The following NADK variants were observed in gnomAD, a reference collection of about 807,000 sequenced individuals.
NADK encodes the protein poly(P)/ATP NAD kinase.
In NADK, 22 loss-of-function variants were observed where a neutral mutation model predicts 49.8. The ratio of observed to expected loss-of-function variants is 0.44; its 90% confidence interval spans 0.32 to 0.63. The LOEUF is 0.63. Among genes scored for constraint, NADK ranks in the 30% least tolerant of loss-of-function variants. The pLI, the probability that NADK is intolerant of heterozygous loss-of-function variation, is 0.06. For synonymous variants in NADK, 268 were observed against 253.7 expected, an observed-to-expected ratio of 1.06 and a Z score of -0.54; for missense variants, 438 against 609.4, an observed-to-expected ratio of 0.72 and a Z score of 2.96.
chr1:1,777,631 G>T (rs539688502), intron 1 of NADK, among the ~76,000 whole-genome samples: 33 of 151,850 alleles, frequency 2.2e-4, no homozygotes, highest in African/African-American at 8.0e-4. Flanking sequence ...GAGGGTGGGG[G>T]TGGTCCTTGG....
chr1:1,762,547 G>C (rs972299462), intron 2 of NADK, among the ~76,000 whole-genome samples: 1 of 152,196 alleles, frequency 6.6e-6, no homozygotes, highest in Non-Finnish European at 1.5e-5. Context: ...CGTGAGGTCA[G>C]GAGTTTGAGA....
intron 1 of NADK, among the ~76,000 whole-genome samples, chr1:1,766,062 G>T (rs990756565): frequency 6.6e-6 from 1 of 151,842 alleles, no homozygotes; most frequent in Non-Finnish European, 1.5e-5. Context: ...GAGGCCAGGG[G>T]TTCAAGACCA....
At chr1:1,758,707 C>G in intron 3 of NADK, 1 of 1,368,698 alleles carries the variant, frequency 7.3e-7, no homozygotes, top group Non-Finnish European at 9.5e-7. Flanking sequence ...TCATTGGTCA[C>G]ATGGTCCTCC....
chr1:1,776,971 A>G (rs1255999976), intron 1 of NADK, among the ~76,000 whole-genome samples: 2 of 152,168 alleles, frequency 1.3e-5, no homozygotes, highest in Admixed American at 6.6e-5. Context: ...CCAGCTACTC[A>G]GGAGGCTGAG....
rs373767547 is a variant in NADK, at chr1:1,754,658, C to G, written c.729G>C (p.Arg243Ser). 6.2e-6 allele frequency: 10 copies of G among 1,613,894 alleles called. No individual in the cohort carries two copies. In the African/African-American group the frequency reaches 1.2e-4, roughly 19 times the overall value. The change falls in exon 8 of 12, where the codon AGG becomes AGC. Residue 243 changes from arginine (R) to serine (S), a missense_variant. Transcript: ENST00000341426. The surrounding 1 kb of genome is among the most constrained non-coding windows in gnomAD (Gnocchi z 4.3). ...TCTTCCCCCGGAGCTCCTTCACCAC[C>G]CTGACCTTCAGCCGACTCCGGAGAA... ...AVVLRSRLKV[R>S]VVKELRGKKT... is the part of the protein sequence containing the mutation.
At chr1:1,774,608 G>A (rs1351255431) in intron 1 of NADK, among the ~76,000 whole-genome samples, 3 of 150,098 alleles carry the variant, frequency 2.0e-5, no homozygotes, top group African/African-American at 7.4e-5. Flanking sequence ...GCCACTGCGC[G>A]CGGCCACCAT....
chr1:1,768,641 G>A (rs1645957303), intron 1 of NADK, among the ~76,000 whole-genome samples: 2 of 152,200 alleles, frequency 1.3e-5, no homozygotes, highest in African/African-American at 4.8e-5. Flanking sequence ...GGGACACAGA[G>A]AAGATGGCCA....
At chr1:1,768,706 T>C (rs190387593) in intron 1 of NADK, among the ~76,000 whole-genome samples, 166 of 152,316 alleles carry the variant, frequency 1.1e-3, no homozygotes, top group Non-Finnish European at 1.9e-3. Context: ...GACCCTGACC[T>C]TGGACTCTTG....
intron 1 of NADK, among the ~76,000 whole-genome samples, chr1:1,777,680 C>G (rs116018620): frequency 1.3e-5 from 2 of 151,918 alleles, no homozygotes; most frequent in East Asian, 3.9e-4. Context: ...CGGAGCTGGG[C>G]ACGCCCTGTT....
At chr1:1,756,870 C>T (rs559271234) in intron 4 of NADK, 3 of 804,132 alleles carry the variant, frequency 3.7e-6, no homozygotes, top group Non-Finnish European at 4.4e-6. Context: ...CCGCAACCCC[C>T]ACGCCTGCTC....
intron 7 of NADK, among the ~76,000 whole-genome samples, chr1:1,755,154 C>T (rs1645473988): frequency 6.6e-6 from 1 of 152,230 alleles, no homozygotes; most frequent in South Asian, 2.1e-4. Flanking sequence ...AGAATCAGCT[C>T]ACTTCTGCCC....
chr1:1,768,496 C>T (rs932321220), intron 1 of NADK, among the ~76,000 whole-genome samples: 1 of 152,194 alleles, frequency 6.6e-6, no homozygotes, highest in Admixed American at 6.5e-5. Flanking sequence ...TGAGGTTTTG[C>T]AGTGAACTGT....
In NADK at chr1:1,754,672, G is replaced by A. The variant is rs746695294; in HGVS notation, c.715C>T (p.Arg239Trp). ...EGNAAVVLRS[R>W]LKVRVVKELR... ...TCCTTCACCACCCTGACCTTCAGCC[G>A]ACTCCGGAGAACAACAGCTGCGTTC... Residue 239 changes from arginine to tryptophan, a missense_variant, in exon 8 of 12, where the codon CGG (arginine) becomes TGG (tryptophan). By Grantham distance (101) the Arg-to-Trp change is moderately radical. Coordinates refer to ENST00000341426, the MANE Select transcript of NADK (RefSeq NM_023018.5). The surrounding 1 kb of genome is among the most constrained non-coding windows in gnomAD (Gnocchi z 4.3). The A allele has an allele frequency of 1.2e-6, 2 of 1,613,574 alleles. No homozygotes were observed. The highest frequency in any genetic ancestry group is 1.7e-6 in the Non-Finnish European group (2 of 1,179,810).
rs974484592 is a variant in NADK at position 1,778,147 on chromosome 1, C to A, written c.-41+142G>T. The A allele has an allele frequency of 6.6e-5, 10 of 152,316 alleles. No individual in the cohort carries two copies. Among genetic ancestry groups the A allele is most frequent in the African/African-American group, 2.4e-4 (10 of 41,468 alleles). The allele number at this position is 152,316 out of a possible 1,614,324, so 9.4% of individuals were successfully genotyped here. On this transcript the variant is annotated intron_variant, in intron 1 of 11. Transcript: ENST00000341426. The surrounding 1 kb of genome is among the most constrained non-coding windows in gnomAD (Gnocchi z 4.9). ...CATTCGGGACGGAGCGGTGGCCCGTCAGCACTTCCACGGCCTCCTCAGCAG... is the reference window on the plus strand; with the variant it reads ...CATTCGGGACGGAGCGGTGGCCCGTAAGCACTTCCACGGCCTCCTCAGCAG...
chr1:1,753,511 G>T (rs1378439263), intron 11 of NADK, 56 bp downstream of exon 11: 1 of 1,491,820 alleles, frequency 6.7e-7, no homozygotes, highest in Admixed American at 1.8e-5. Flanking sequence ...GGCAGGCGCT[G>T]CCTGGCCCGG....
At position 1,765,344 on chromosome 1, in the gene NADK, G is replaced by A. The variant is rs1481084157; in HGVS notation, c.63C>T (p.Tyr21=). 2 of 1,613,590 alleles carry A rather than the reference G, an allele frequency of 1.2e-6. No homozygotes were observed. Among genetic ancestry groups the A allele is most frequent in the South Asian group, 1.1e-5 (1 of 91,016 alleles). The change falls in exon 2 of 12, where the codon TAC becomes TAT. Residue 21 remains tyrosine (Y), a synonymous_variant. Coordinates refer to ENST00000341426, the MANE Select transcript of NADK (RefSeq NM_023018.5). ...NKELSPDAAA[Y]CCSACHGDET... is the part of the protein sequence containing the mutation. Reference sequence around the variant, plus strand: ...CATCGCCGTGGCAGGCCGAGCAGCAGTAAGCAGCCGCGTCTGGACTCAATT... The same window carrying A: ...CATCGCCGTGGCAGGCCGAGCAGCAATAAGCAGCCGCGTCTGGACTCAATT...
intron 1 of NADK, among the ~76,000 whole-genome samples, chr1:1,775,188 C>T (rs769719341): frequency 1.3e-5 from 2 of 151,578 alleles, no homozygotes; most frequent in African/African-American, 2.4e-5. Flanking sequence ...ATATTCATAA[C>T]GAACTTATAC....
chr1:1,773,341 T>C, intron 1 of NADK, among the ~76,000 whole-genome samples: 1 of 86,906 alleles, frequency 1.2e-5, no homozygotes, highest in East Asian at 3.2e-4. Flanking sequence ...GGTTTCACCA[T>C]GTTGACCAGG....
At chr1:1,765,903 T>G (rs1347299061) in intron 1 of NADK, among the ~76,000 whole-genome samples, 1 of 151,280 alleles carries the variant, frequency 6.6e-6, no homozygotes, top group Non-Finnish European at 1.5e-5. Flanking sequence ...AGAGTGAAAC[T>G]TCATCTCAAA....
Sources: allele counts gnomAD v4.1 joint callset (sites outside exome capture counted in the v4.1 genomes callset), GRCh38; gene constraint gnomAD v4.1.1; non-coding constraint Gnocchi (gnomAD v3.1); transcripts MANE v1.5; gene names NCBI Gene and HGNC (gene_info 2026-07-23, HGNC 2026-07-21).